FAAH2: variants seen among roughly 807,000 people sequenced by gnomAD.
FAAH2 encodes the protein fatty acid amide hydrolase 2.
FAAH2 carries 60 observed loss-of-function variants against 36.9 expected under a neutral mutation model. The observed-to-expected ratio is 1.63, with a 90% CI of 1.32 to 2.02. The LOEUF is 2.02. Among genes scored for constraint, FAAH2 ranks in the 30% most tolerant of loss-of-function variants. The pLI is 0.00. For missense variants in FAAH2, 689 were observed against 397.5 expected (o/e 1.73, Z -6.23); for synonymous variants, 214 against 143.8 (o/e 1.49, Z -3.49).
the FAAH2 span, among the ~76,000 whole-genome samples, chrX:57,228,334 C>T: frequency 9.0e-6 from 1 of 111,337 alleles, no homozygotes; most frequent in Non-Finnish European, 1.9e-5. Context: ...CTTCCTCTAT[C>T]CCTGTGTTTC....
chrX:57,485,841 C>T (rs758955601), intron 10 of FAAH2, among the ~76,000 whole-genome samples: 3 of 111,668 alleles, frequency 2.7e-5, no homozygotes, highest in East Asian at 2.8e-4. Flanking sequence ...GGGTACATGG[C>T]CACCTCTTTC....
At chrX:57,408,596 G>A (rs758987551) in intron 7 of FAAH2, among the ~76,000 whole-genome samples, 4 of 109,118 alleles carry the variant, frequency 3.7e-5, no homozygotes, top group Non-Finnish European at 7.6e-5. Context: ...AAGACTTCCA[G>A]TGACATGTTG....
chrX:57,264,770 A>G, the FAAH2 span, among the ~76,000 whole-genome samples: 1 of 112,512 alleles, frequency 8.9e-6, no homozygotes, highest in Admixed American at 9.4e-5. Flanking sequence ...TAGCAAAGAC[A>G]TGGAATCAAA....
intron 7 of FAAH2, chrX:57,393,672 C>G: frequency 1.0e-6 from 1 of 987,083 alleles, no homozygotes; most frequent in Non-Finnish European, 1.4e-6. Context: ...TTACTGGATG[C>G]CACCACCATT....
At chrX:57,195,046 G>A in the FAAH2 span, among the ~76,000 whole-genome samples, 3 of 110,805 alleles carry the variant, frequency 2.7e-5, no homozygotes, top group Non-Finnish European at 5.7e-5. Context: ...CCATATTTTT[G>A]TAATTGCAAA....
intron 5 of FAAH2, among the ~76,000 whole-genome samples, chrX:57,346,440 T>C (rs1412533326): frequency 8.9e-6 from 1 of 112,095 alleles, no homozygotes; most frequent in Admixed American, 9.5e-5. Context: ...AGATAGCAAC[T>C]CCTGCTTTTC....
chrX:57,193,140 TTC>T, the FAAH2 span, among the ~76,000 whole-genome samples: 1 of 111,904 alleles, frequency 8.9e-6, no homozygotes, highest in Non-Finnish European at 1.9e-5. Flanking sequence ...TATCACTGAA[TTC>T]TGTTTCTCAG....
chrX:57,416,877 T>A (rs770085262), intron 7 of FAAH2, among the ~76,000 whole-genome samples: 2 of 112,385 alleles, frequency 1.8e-5, no homozygotes, highest in Admixed American at 1.9e-4. Context: ...CAAACGTAGG[T>A]TTGGTCTTTT....
intron 8 of FAAH2, among the ~76,000 whole-genome samples, chrX:57,438,375 A>G (rs912980616): frequency 9.4e-6 from 1 of 106,383 alleles, no homozygotes; most frequent in Non-Finnish European, 1.9e-5. Context: ...GAATTAATAT[A>G]TACAAAATTA....
At chrX:57,432,900 AT>A (rs946488099) in intron 8 of FAAH2, among the ~76,000 whole-genome samples, 2 of 109,608 alleles carry the variant, frequency 1.8e-5, no homozygotes, top group African/African-American at 6.6e-5. Flanking sequence ...GATTAACAAT[AT>A]TTTTTATAAG....
chrX:57,262,579 C>G, the FAAH2 span, among the ~76,000 whole-genome samples: 1 of 111,313 alleles, frequency 9.0e-6, no homozygotes, highest in Non-Finnish European at 1.9e-5. Context: ...AAGTCTCTTT[C>G]AGAAAATGGA....
At chrX:57,342,041 A>C (rs989717214) in intron 5 of FAAH2, among the ~76,000 whole-genome samples, 1 of 112,087 alleles carries the variant, frequency 8.9e-6, no homozygotes, top group Admixed American at 9.5e-5. Context: ...TAGTCTAATA[A>C]ATATAATTGT....
chrX:57,197,870 A>G, the FAAH2 span, among the ~76,000 whole-genome samples: 2 of 111,835 alleles, frequency 1.8e-5, no homozygotes, highest in Non-Finnish European at 3.8e-5. Flanking sequence ...CTAGCAGTGA[A>G]CTTGTTATGT....
At chrX:57,349,950 C>T (rs2053953661) in intron 5 of FAAH2, among the ~76,000 whole-genome samples, 1 of 110,344 alleles carries the variant, frequency 9.1e-6, no homozygotes, top group Admixed American at 9.7e-5. Context: ...CGTCACAGCA[C>T]ATTATAATAT....
intron 2 of FAAH2, among the ~76,000 whole-genome samples, chrX:57,295,890 G>A (rs899920996): frequency 1.8e-5 from 2 of 112,472 alleles, no homozygotes; most frequent in East Asian, 2.8e-4. Context: ...AAACTGCAAG[G>A]CAGCAGCGAG....
In FAAH2 at chrX:57,394,867, C is replaced by A. The variant is rs2055255319; in HGVS notation, c.996+13838C>A. 20 of 1,037,665 alleles carry A rather than the reference C, an allele frequency of 1.9e-5. No homozygotes were observed. In the South Asian group the frequency reaches 3.6e-4, roughly 19 times the overall value. The allele number at this position is 1,037,665 out of a possible 1,213,427, so 85.5% of individuals were successfully genotyped here. On this transcript the variant is annotated intron_variant, in intron 7 of 10. Transcript: ENST00000374900. ...TCACTGTGGCATTGTTCCACAGAAG[C>A]AAGTCACGCATCAGGGCCCTGACTA...
At chrX:57,240,153 G>C in the FAAH2 span, among the ~76,000 whole-genome samples, 4 of 111,706 alleles carry the variant, frequency 3.6e-5, no homozygotes, top group Middle Eastern at 4.6e-3. Context: ...TATGTGTGTG[G>C]GCTGATGTTC....
chrX:57,432,363 C>T (rs1049081420), intron 8 of FAAH2, among the ~76,000 whole-genome samples: 4 of 111,069 alleles, frequency 3.6e-5, no homozygotes, highest in African/African-American at 9.8e-5. Context: ...GGGGAAACCA[C>T]GGCAAGAACA....
intron 3 of FAAH2, among the ~76,000 whole-genome samples, chrX:57,315,462 A>G (rs2052810000): frequency 8.9e-6 from 1 of 111,734 alleles, no homozygotes; most frequent in Non-Finnish European, 1.9e-5. Flanking sequence ...ACAGAAAACA[A>G]AAACTTCAGA....
Sources: gnomAD v4.1 joint callset for allele counts (sites outside exome capture counted in the v4.1 genomes callset) on GRCh38, gnomAD v4.1.1 for gene constraint, MANE v1.5 for transcripts, NCBI Gene and HGNC (gene_info 2026-07-23, HGNC 2026-07-21) for gene names.